KLHDC1: variants seen among roughly 807,000 people sequenced by gnomAD.
The protein encoded by KLHDC1 is kelch domain-containing protein 1.
KLHDC1 carries 53 observed loss-of-function variants against 68.3 expected under a neutral mutation model. That is an observed-to-expected ratio of 0.78 (90% CI 0.62 to 0.98). KLHDC1 has a LOEUF of 0.98. Among genes scored for constraint, KLHDC1 ranks in the 50% least tolerant of loss-of-function variants. The pLI, the probability that KLHDC1 is intolerant of heterozygous loss-of-function variation, is 0.00. For synonymous variants in KLHDC1, 148 were observed against 159.0 expected, an observed-to-expected ratio of 0.93 and a Z score of 0.52; for missense variants, 470 against 492.3, an observed-to-expected ratio of 0.95 and a Z score of 0.43.
At chr14:49,695,250 C>T (rs1289613136) in intron 1 of KLHDC1, among the ~76,000 whole-genome samples, 1 of 152,006 alleles carries the variant, frequency 6.6e-6, no homozygotes, top group Non-Finnish European at 1.5e-5. Context: ...ACCACCATGC[C>T]TGGCTAATTT....
At chr14:49,739,694 C>A (rs957749767) in intron 10 of KLHDC1, among the ~76,000 whole-genome samples, 7 of 152,072 alleles carry the variant, frequency 4.6e-5, no homozygotes, top group African/African-American at 1.7e-4. Flanking sequence ...TATTTCACTG[C>A]AGGGATAATA....
intron 5 of KLHDC1, among the ~76,000 whole-genome samples, chr14:49,724,244 A>T (rs1888611158): frequency 6.6e-6 from 1 of 152,124 alleles, no homozygotes; most frequent in Admixed American, 6.6e-5. Flanking sequence ...TGGAAAAATT[A>T]TGTTCATATT....
At chr14:49,749,305 AAAT>A in intron 12 of KLHDC1, among the ~76,000 whole-genome samples, 1 of 152,250 alleles carries the variant, frequency 6.6e-6, no homozygotes, top group East Asian at 1.9e-4. Flanking sequence ...TCTTTCATGT[AAAT>A]AATCATTCAG....
rs1418622708 is a variant in KLHDC1, at chr14:49,751,642, T to C, written c.1091T>C (p.Leu364Ser). The C allele has an allele frequency of 3.7e-6, 6 of 1,603,382 alleles. No individual in the cohort carries two copies. The highest frequency in any genetic ancestry group is 5.1e-6 in the Non-Finnish European group (6 of 1,173,404). ...NSIMLESQIS[L>S]LPPKLLQQVL... Reference sequence around the variant, plus strand: ...ATCATGTTAGAAAGTCAGATATCTTTATTACCTCCTAAACTTCTGCAACAA... The same window carrying C: ...ATCATGTTAGAAAGTCAGATATCTTCATTACCTCCTAAACTTCTGCAACAA... The change falls in exon 13 of 13, where the codon TTA (leucine) becomes TCA (serine). Residue 364 changes from leucine (L) to serine (S), a missense_variant. By Grantham distance (145) the Leu-to-Ser change is moderately radical. Transcript: ENST00000359332.
In KLHDC1 at chr14:49,693,295, G is replaced by C; in HGVS notation, c.96+5G>C. On this transcript the variant is annotated splice_donor_5th_base_variant and intron_variant, in intron 1 of 12. Transcript: ENST00000359332. Reference sequence around the variant, plus strand: ...TACGTGTGGGGGGGCTACGTGGTAAGGGGAAGAGGCGGGACGGGGTAGACT... The same window carrying C: ...TACGTGTGGGGGGGCTACGTGGTAACGGGAAGAGGCGGGACGGGGTAGACT... 1 of 1,534,508 alleles carries C rather than the reference G, an allele frequency of 6.5e-7. No homozygotes were observed. The highest frequency in any genetic ancestry group is 8.8e-7 in the Non-Finnish European group (1 of 1,141,404).
chr14:49,728,984 G>T lies in KLHDC1; in HGVS notation c.626G>T (p.Gly209Val), dbSNP rs1256056248. The change falls in exon 7 of 13, where the codon GGT (glycine) becomes GTT (valine). Residue 209 changes from glycine (G) to valine (V), a missense_variant. Gly to Val is a moderately radical substitution (Grantham distance 109). Coordinates refer to ENST00000359332, the MANE Select transcript of KLHDC1 (RefSeq NM_172193.3). Reference sequence around the variant, plus strand: ...ACATGTGCAGTTCTTGGAAATAAGGGTTATATCTTTGGCGGACGTGTTCTG... The same window carrying T: ...ACATGTGCAGTTCTTGGAAATAAGGTTTATATCTTTGGCGGACGTGTTCTG... ...AHTCAVLGNKGYIFGGRVLQT... is the reference protein window; with the variant it reads ...AHTCAVLGNKVYIFGGRVLQT... 3.7e-6 allele frequency: 6 copies of T among 1,613,516 alleles called. No individual in the cohort carries two copies. The highest frequency in any genetic ancestry group is 1.7e-5 in the Admixed American group (1 of 59,998).
At chr14:49,732,851 C>T in intron 9 of KLHDC1, 35 bp downstream of exon 9, 1 of 1,004,046 alleles carries the variant, frequency 1.0e-6, no homozygotes, top group Non-Finnish European at 1.5e-6. Context: ...TAATTATTAT[C>T]TCATTCTTTT....
intron 12 of KLHDC1, among the ~76,000 whole-genome samples, chr14:49,749,156 A>G (rs1192679876): frequency 2.0e-5 from 3 of 152,148 alleles, no homozygotes; most frequent in Non-Finnish European, 4.4e-5. Flanking sequence ...CCCTATATAC[A>G]TGATTTTAAT....
At chr14:49,710,241 A>T in intron 3 of KLHDC1, 22 bp from the exon 4 acceptor site, 1 of 1,235,150 alleles carries the variant, frequency 8.1e-7, no homozygotes, top group Non-Finnish European at 1.2e-6. Context: ...CTGTCTGCTA[A>T]TAGTGTTCTC....
intron 1 of KLHDC1, among the ~76,000 whole-genome samples, chr14:49,704,668 T>C (rs1888002187): frequency 1.3e-5 from 2 of 152,124 alleles, no homozygotes; most frequent in South Asian, 2.1e-4. Context: ...AGTGCTGGGA[T>C]TACAAGCATG....
At chr14:49,727,120 C>T (rs1417727040) in intron 6 of KLHDC1, among the ~76,000 whole-genome samples, 10 of 152,034 alleles carry the variant, frequency 6.6e-5, no homozygotes, top group South Asian at 2.1e-4. Context: ...TGGCGGCATG[C>T]GCCTGTAGTC....
chr14:49,693,989 T>G (rs1389143260), intron 1 of KLHDC1, among the ~76,000 whole-genome samples: 1 of 151,906 alleles, frequency 6.6e-6, no homozygotes, highest in African/African-American at 2.4e-5. Context: ...CGACCTCAGG[T>G]GATCCGCCCG....
At chr14:49,747,997 C>A (rs575405126) in intron 12 of KLHDC1, among the ~76,000 whole-genome samples, 2 of 151,280 alleles carry the variant, frequency 1.3e-5, no homozygotes, top group African/African-American at 4.8e-5. Context: ...AAAGTTAAAA[C>A]TGGAAGGGTC....
Position 49,744,314 on chromosome 14 carries a change from GTGTGTGTGTGTA to G in KLHDC1, c.1034+513_1034+524del, listed in dbSNP as rs559002985. ...TATATGTGTGTGTGTGTGTGTGTGT[GTGTGTGTGTGTA>G]TGTACACATACAATACAGTCACTGT... On this transcript the variant is annotated intron_variant, in intron 12 of 12. Transcript: ENST00000359332. Among the ~76,000 whole-genome samples the G allele has an allele frequency of 9.1e-4, 73 of 80,116 alleles. No individual in the cohort carries two copies. In the East Asian group the frequency reaches 0.016, roughly 17 times the overall value. 52.6% of individuals were successfully genotyped at this position (80,116 alleles called of 152,430 possible). A position where few individuals can be genotyped will look rare whatever the true frequency, so the allele number is the denominator to read the frequency against.
At chr14:49,740,251 C>G (rs970377846) in intron 11 of KLHDC1, 69 bp downstream of exon 11, 1 of 867,804 alleles carries the variant, frequency 1.2e-6, no homozygotes, top group African/African-American at 1.7e-5. Context: ...GGCTATTCAG[C>G]AAGAATGTTG....
chr14:49,739,658 A>G (rs1406213553), intron 10 of KLHDC1, among the ~76,000 whole-genome samples: 1 of 152,224 alleles, frequency 6.6e-6, no homozygotes, highest in Non-Finnish European at 1.5e-5. Flanking sequence ...TGTTTCAGCA[A>G]TAAGGTGATC....
At position 49,724,059 on chromosome 14, in the gene KLHDC1, T is replaced by C. The variant is rs75394362; in HGVS notation, c.483+107T>C. ...CATTTTTGGAGCTACCAATTTGTCGTAATTGACGCTATGAAAAAAATGTGT... is the reference window on the plus strand; with the variant it reads ...CATTTTTGGAGCTACCAATTTGTCGCAATTGACGCTATGAAAAAAATGTGT... On this transcript the variant is annotated intron_variant, in intron 5 of 12. Transcript: ENST00000359332. 521 of 623,300 alleles carry C rather than the reference T, an allele frequency of 8.4e-4. No individual in the cohort carries two copies. The African/African-American group carries it at 8.7e-3, about 10-fold the overall frequency. 38.6% of individuals were successfully genotyped at this position (623,300 alleles called of 1,614,324 possible).
At chr14:49,713,844 A>ATTTTT in intron 4 of KLHDC1, among the ~76,000 whole-genome samples, 1 of 35,606 alleles carries the variant, frequency 2.8e-5, no homozygotes, top group Non-Finnish European at 4.8e-5. Context: ...ATATATATAT[A>ATTTTT]TATATATTTT....
At chr14:49,726,037 G>A (rs879243816) in intron 6 of KLHDC1, among the ~76,000 whole-genome samples, 4 of 152,004 alleles carry the variant, frequency 2.6e-5, no homozygotes, top group Non-Finnish European at 4.4e-5. Flanking sequence ...TAGTAGAGAC[G>A]GAATTTTGCC....
Sources: allele counts gnomAD v4.1 joint callset (sites outside exome capture counted in the v4.1 genomes callset), GRCh38; gene constraint gnomAD v4.1.1; transcripts MANE v1.5; gene names NCBI Gene and HGNC (gene_info 2026-07-23, HGNC 2026-07-21).